Variants in CDKAL1 observed in about 807,000 individuals in gnomAD.
The protein encoded by CDKAL1 is CDKAL1 threonylcarbamoyladenosine tRNA methylthiotransferase, also known as threonylcarbamoyladenosine tRNA methylthiotransferase.
CDKAL1 carries 32 observed loss-of-function variants against 68.2 expected under a neutral mutation model. The observed-to-expected ratio is 0.47, with a 90% CI of 0.35 to 0.63. The LOEUF (loss-of-function observed/expected upper bound fraction) is 0.63. Among genes scored for constraint, CDKAL1 ranks in the 30% least tolerant of loss-of-function variants. The pLI is 0.00. For synonymous variants in CDKAL1, 234 were observed against 244.3 expected, an observed-to-expected ratio of 0.96 and a Z score of 0.39; for missense variants, 606 against 696.7, an observed-to-expected ratio of 0.87 and a Z score of 1.47.
chr6:21,020,607 A>G (rs1476086771), intron 11 of CDKAL1, among the ~76,000 whole-genome samples: 1 of 151,906 alleles, frequency 6.6e-6, no homozygotes, highest in African/African-American at 2.4e-5. Flanking sequence ...AGCTGGGATT[A>G]CGGGCATGCA....
intron 2 of CDKAL1, among the ~76,000 whole-genome samples, chr6:20,542,368 A>G (rs1044228907): frequency 6.6e-6 from 1 of 152,222 alleles, no homozygotes; most frequent in Non-Finnish European, 1.5e-5. Flanking sequence ...GCTTGGACTC[A>G]TCTGTCATGG....
intron 12 of CDKAL1, among the ~76,000 whole-genome samples, chr6:21,068,773 A>G (rs918118617): frequency 6.6e-6 from 1 of 152,174 alleles, no homozygotes; most frequent in Non-Finnish European, 1.5e-5. Flanking sequence ...GATTAAGATC[A>G]TATTGATTTT....
intron 4 of CDKAL1, among the ~76,000 whole-genome samples, chr6:20,622,105 A>G (rs1767221112): frequency 6.6e-6 from 1 of 152,120 alleles, no homozygotes; most frequent in South Asian, 2.1e-4. Context: ...CTAATATTTA[A>G]GTGATTTTAA....
At chr6:20,582,567 C>T (rs992777517) in intron 4 of CDKAL1, among the ~76,000 whole-genome samples, 4 of 152,040 alleles carry the variant, frequency 2.6e-5, no homozygotes, top group South Asian at 2.1e-4. Context: ...CAGTTTTCTA[C>T]GGTTCCATTT....
At chr6:20,818,336 A>G (rs1416027751) in intron 8 of CDKAL1, among the ~76,000 whole-genome samples, 1 of 152,194 alleles carries the variant, frequency 6.6e-6, no homozygotes, top group African/African-American at 2.4e-5. Context: ...CATACTATAC[A>G]GCAATAAACT....
intron 10 of CDKAL1, among the ~76,000 whole-genome samples, chr6:20,995,777 C>G (rs568943168): frequency 6.6e-6 from 1 of 152,118 alleles, no homozygotes; most frequent in Non-Finnish European, 1.5e-5. Flanking sequence ...TGCATTATCC[C>G]CTAACAAGAG....
At chr6:20,758,672 G>A (rs1296438610) in intron 7 of CDKAL1, 29 bp downstream of exon 7, 1 of 1,565,784 alleles carries the variant, frequency 6.4e-7, no homozygotes, top group Non-Finnish European at 8.7e-7. Context: ...ATAAACAGAT[G>A]TATATATTTT....
intron 13 of CDKAL1, among the ~76,000 whole-genome samples, chr6:21,185,637 A>G (rs1385823892): frequency 6.6e-6 from 1 of 152,154 alleles, no homozygotes; most frequent in Non-Finnish European, 1.5e-5. Context: ...CTACGTATCT[A>G]TGTGTGTGTG....
At chr6:20,844,323 G>T (rs1330105671) in intron 8 of CDKAL1, among the ~76,000 whole-genome samples, 1 of 152,062 alleles carries the variant, frequency 6.6e-6, no homozygotes, top group Non-Finnish European at 1.5e-5. Context: ...TGATTTGCAG[G>T]TCTTTTTATT....
At chr6:20,595,248 A>G (rs1419705861) in intron 4 of CDKAL1, among the ~76,000 whole-genome samples, 4 of 152,188 alleles carry the variant, frequency 2.6e-5, no homozygotes, top group African/African-American at 9.6e-5. Context: ...TCTCCTGGAT[A>G]GTATCCTGCA....
intron 9 of CDKAL1, among the ~76,000 whole-genome samples, chr6:20,896,645 A>C (rs917275464): frequency 6.6e-6 from 1 of 152,188 alleles, no homozygotes; most frequent in African/African-American, 2.4e-5. Flanking sequence ...ATATATGGCC[A>C]TGTTTGATTT....
chr6:20,649,164 G>A, intron 4 of CDKAL1, 129 bp from the exon 5 acceptor site: 1 of 652,244 alleles, frequency 1.5e-6, no homozygotes, highest in Non-Finnish European at 2.7e-6. Flanking sequence ...TTTCTACTGT[G>A]TTGTAATTGC....
At chr6:21,025,131 G>A (rs556652144) in intron 11 of CDKAL1, among the ~76,000 whole-genome samples, 4 of 152,126 alleles carry the variant, frequency 2.6e-5, no homozygotes, top group African/African-American at 7.2e-5. Context: ...TATTTCTTAC[G>A]AAGTTGATGT....
chr6:20,840,631 A>G (rs920485496), intron 8 of CDKAL1, among the ~76,000 whole-genome samples: 1 of 152,160 alleles, frequency 6.6e-6, no homozygotes. Context: ...AGGGTTTTGG[A>G]AGTATATTCA....
intron 9 of CDKAL1, among the ~76,000 whole-genome samples, chr6:20,894,723 A>C (rs1761586629): frequency 6.6e-6 from 1 of 152,152 alleles, no homozygotes; most frequent in African/African-American, 2.4e-5. Flanking sequence ...TAACACATAA[A>C]ATACAAAATG....
intron 11 of CDKAL1, among the ~76,000 whole-genome samples, chr6:21,011,153 TG>T (rs1459003885): frequency 6.9e-6 from 1 of 144,384 alleles, no homozygotes; most frequent in Non-Finnish European, 1.5e-5. Context: ...CCAAGGCGGG[TG>T]GATCACAAGG....
intron 10 of CDKAL1, among the ~76,000 whole-genome samples, chr6:20,999,731 T>G (rs867298754): frequency 6.6e-6 from 1 of 151,542 alleles, no homozygotes; most frequent in African/African-American, 2.4e-5. Flanking sequence ...TGATTTTTTT[T>G]GTACAAATAT....
chr6:20,883,829 CT>C (rs1760939979), intron 9 of CDKAL1, among the ~76,000 whole-genome samples: 1 of 152,030 alleles, frequency 6.6e-6, no homozygotes, highest in African/African-American at 2.4e-5. Context: ...TTTTGATGGA[CT>C]TTAGTGAAAA....
Position 20,876,418 on chromosome 6 carries a change from A to T in CDKAL1, c.742+30240A>T, listed in dbSNP as rs183787467. ...TGCCACTACTGTTGAGTGTGGAGTC[A>T]GCCTTGGAGGAAAAAATCCCCAAAA... On this transcript the variant is annotated intron_variant, in intron 9 of 15. Coordinates refer to ENST00000274695, the MANE Select transcript of CDKAL1 (RefSeq NM_017774.3). Among the ~76,000 whole-genome samples the T allele has an allele frequency of 3.2e-3, 491 of 152,330 alleles. 2 individuals are homozygous for T. Among genetic ancestry groups the T allele is most frequent in the African/African-American group, 9.1e-3 (380 of 41,572 alleles).
Sources: allele counts gnomAD v4.1 joint callset (sites outside exome capture counted in the v4.1 genomes callset), GRCh38; gene constraint gnomAD v4.1.1; transcripts MANE v1.5; gene names NCBI Gene and HGNC (gene_info 2026-07-23, HGNC 2026-07-21).